The following TBC1D21 variants were observed in gnomAD, a reference collection of about 807,000 sequenced individuals.
The protein encoded by TBC1D21 is TBC1 domain family member 21.
A neutral mutation model predicts 46.0 loss-of-function variants in TBC1D21; 38 were observed. The observed-to-expected ratio is 0.83, with a 90% CI of 0.64 to 1.08. The LOEUF is 1.08. Among genes scored for constraint, TBC1D21 ranks in the 50% least tolerant of loss-of-function variants. TBC1D21 has a pLI of 0.00. For synonymous variants in TBC1D21, 151 were observed against 157.2 expected (o/e 0.96, Z 0.29); for missense variants, 415 against 417.9 (o/e 0.99, Z 0.06).
In TBC1D21 at chr15:73,881,516, C is replaced by T; in HGVS notation, c.168+10C>T. On this transcript the variant is annotated intron_variant, in intron 2 of 10. Coordinates refer to ENST00000300504, the MANE Select transcript of TBC1D21 (RefSeq NM_153356.3). ...TAACATCCTGGAAAGGGTGGGTCCC[C>T]AAGCTACCCTTGGCCTTGCCCTGGA... The T allele has an allele frequency of 1.9e-6, 3 of 1,612,514 alleles. No individual in the cohort carries two copies. The highest frequency in any genetic ancestry group is 2.5e-6 in the Non-Finnish European group (3 of 1,178,580).
the TBC1D21 span, among the ~76,000 whole-genome samples, chr15:73,901,047 AT>A: frequency 6.6e-6 from 1 of 152,188 alleles, no homozygotes; most frequent in African/African-American, 2.4e-5. Context: ...GAAGTCCAGG[AT>A]GTTAGAAAGT....
chr15:73,885,966 G>T, intron 6 of TBC1D21, 112 bp from the exon 7 acceptor site: 2 of 787,456 alleles, frequency 2.5e-6, no homozygotes, highest in Middle Eastern at 2.3e-4. Flanking sequence ...TGGGCCCAGC[G>T]CACAGACAGA....
intron 1 of TBC1D21, among the ~76,000 whole-genome samples, chr15:73,878,046 T>C (rs1490471919): frequency 6.6e-6 from 1 of 152,204 alleles, no homozygotes; most frequent in Non-Finnish European, 1.5e-5. Flanking sequence ...TATTCAACAT[T>C]GCACTTGAGT....
intron 7 of TBC1D21, 142 bp downstream of exon 7, chr15:73,886,316 G>A (rs1305173481): frequency 1.0e-5 from 9 of 889,216 alleles, no homozygotes; most frequent in Non-Finnish European, 1.4e-5. Context: ...TGGGAAGAGG[G>A]TTATCTGGAT....
At chr15:73,888,873 G>A (rs943967995) in intron 10 of TBC1D21, among the ~76,000 whole-genome samples, 196 bp from the exon 11 acceptor site, 4 of 152,276 alleles carry the variant, frequency 2.6e-5, no homozygotes, top group African/African-American at 7.2e-5. Flanking sequence ...TGGTCTTCTC[G>A]TTGTTTGCAC....
chr15:73,887,810 G>C (rs1413368206), intron 9 of TBC1D21, 74 bp downstream of exon 9: 1 of 1,327,396 alleles, frequency 7.5e-7, no homozygotes, highest in Non-Finnish European at 1.1e-6. Context: ...CCAGCTGAAA[G>C]ACCGGGGTTC....
rs535437036 is a variant in TBC1D21 at position 73,876,394 on chromosome 15, A to ATTT, written c.60+2628_60+2630dup. On this transcript the variant is annotated intron_variant, in intron 1 of 10. Transcript: ENST00000300504. ...AGGTGCCCACTACAACACCCGGGTA[A>ATTT]TTTTTGTTTTTTTTTTTTTGTATTT... Among the ~76,000 whole-genome samples, 17 of 73,130 alleles carry ATTT rather than the reference A, an allele frequency of 2.3e-4. No individual in the cohort carries two copies. The East Asian group carries it at 2.5e-3, about 11-fold the overall frequency. 48.0% of individuals were successfully genotyped at this position (73,130 alleles called of 152,430 possible).
rs771578840 is a variant in TBC1D21 at position 73,888,522 on chromosome 15, C to T, written c.978+9C>T. The T allele has an allele frequency of 5.6e-6, 9 of 1,612,098 alleles. No homozygotes were observed. The highest frequency in any genetic ancestry group is 5.0e-5 in the Admixed American group (3 of 59,980). On this transcript the variant is annotated intron_variant, in intron 10 of 10. Coordinates refer to ENST00000300504, the MANE Select transcript of TBC1D21 (RefSeq NM_153356.3). ...AGCTCATCCAGAAGGATGTAAGTTG[C>T]CCCAATGATGTGTCCTCCTCCTCCT...
chr15:73,876,259 G>C (rs1452493552), intron 1 of TBC1D21, among the ~76,000 whole-genome samples: 6 of 106,264 alleles, frequency 5.6e-5, no homozygotes, highest in African/African-American at 2.1e-4. Context: ...ACGGAGTCTT[G>C]CTCTGTCACC....
In TBC1D21 at chr15:73,877,492, T is replaced by C. The variant is rs1203248297; in HGVS notation, c.60+3723T>C. 1.0e-4 allele frequency among the ~76,000 whole-genome samples: 7 copies of C among 68,756 alleles called. No individual in the cohort carries two copies. In the Admixed American group the frequency reaches 1.1e-3, roughly 11 times the overall value. The allele number at this position is 68,756 out of a possible 152,430, so 45.1% of individuals were successfully genotyped here. ...TTTTAAAAAGAAATAATACCAATTC[T>C]ATACAAACACTTCCAGAAAACTAAA... On this transcript the variant is annotated intron_variant, in intron 1 of 10. Coordinates refer to ENST00000300504, the MANE Select transcript of TBC1D21 (RefSeq NM_153356.3).
Position 73,889,158 on chromosome 15 carries a change from G to T in TBC1D21, c.*57G>T. 1.3e-6 allele frequency: 2 copies of T among 1,579,928 alleles called. No homozygotes were observed. The highest frequency in any genetic ancestry group is 8.7e-7 in the Non-Finnish European group (1 of 1,154,080). On this transcript the variant is annotated 3_prime_UTR_variant, in exon 11 of 11. Coordinates refer to ENST00000300504, the MANE Select transcript of TBC1D21 (RefSeq NM_153356.3). ...TCGATGGGCAGGATGAAGGCCAGGG[G>T]CACTGGAGTGAGGGAGTAGATAAAA...
At chr15:73,881,821 A>C in intron 3 of TBC1D21, 74 bp downstream of exon 3, 2 of 1,327,172 alleles carry the variant, frequency 1.5e-6, no homozygotes, top group South Asian at 2.4e-5. Flanking sequence ...CAGCCTGCAG[A>C]CTATCTTCTG....
At chr15:73,904,622 G>C in the TBC1D21 span, among the ~76,000 whole-genome samples, 1 of 152,180 alleles carries the variant, frequency 6.6e-6, no homozygotes, top group African/African-American at 2.4e-5. Flanking sequence ...ATCAGCTTGG[G>C]GGAAGGGGTG....
the TBC1D21 span, among the ~76,000 whole-genome samples, chr15:73,901,815 T>G: frequency 2.6e-5 from 4 of 152,080 alleles, no homozygotes; most frequent in Non-Finnish European, 5.9e-5. Flanking sequence ...ATCCCTTTTT[T>G]TTTGTTTGTT....
At chr15:73,895,087 C>T in the TBC1D21 span, among the ~76,000 whole-genome samples, 1 of 152,190 alleles carries the variant, frequency 6.6e-6, no homozygotes, top group South Asian at 2.1e-4. Flanking sequence ...TCCCAGGGCC[C>T]ACCAATTAAA....
chr15:73,881,581 G>T (rs2068155751), intron 2 of TBC1D21, 63 bp from the exon 3 acceptor site: 1 of 1,602,078 alleles, frequency 6.2e-7, no homozygotes, highest in Admixed American at 1.7e-5. Flanking sequence ...TGTGGCGTTG[G>T]ATGAAGCCCT....
In TBC1D21 at chr15:73,884,196, C is replaced by G. The variant is rs746632573; in HGVS notation, c.318C>G (p.Pro106=). The G allele has an allele frequency of 1.7e-5, 28 of 1,614,074 alleles. No individual in the cohort carries two copies. Among genetic ancestry groups the G allele is most frequent in the East Asian group, 2.2e-5 (1 of 44,890 alleles). ...GCCAAATGTATGAGAAGATTCAGCCCCTTCTGGAAAACCTGCACCGGAACT... is the reference window on the plus strand; with the variant it reads ...GCCAAATGTATGAGAAGATTCAGCCGCTTCTGGAAAACCTGCACCGGAACT... The part of the protein sequence containing the change: ...ALCQMYEKIQ[P]LLENLHRNFT... The change falls in exon 4 of 11, where the codon CCC becomes CCG. Residue 106 remains proline, a synonymous_variant. Coordinates refer to ENST00000300504, the MANE Select transcript of TBC1D21 (RefSeq NM_153356.3).
intron 8 of TBC1D21, among the ~76,000 whole-genome samples, chr15:73,886,918 A>G (rs551054060): frequency 7.5e-4 from 114 of 152,252 alleles, no homozygotes; most frequent in African/African-American, 2.7e-3. Context: ...TGCCCTGCCC[A>G]GGTGGCCTCC....
intron 3 of TBC1D21, among the ~76,000 whole-genome samples, chr15:73,882,436 T>A (rs2068172534): frequency 1.3e-5 from 2 of 152,052 alleles, no homozygotes; most frequent in Non-Finnish European, 2.9e-5. Context: ...GTTCACCCTT[T>A]CTCCTCCCTC....
Sources: gnomAD v4.1 joint callset for allele counts (sites outside exome capture counted in the v4.1 genomes callset) on GRCh38, gnomAD v4.1.1 for gene constraint, MANE v1.5 for transcripts, NCBI Gene and HGNC (gene_info 2026-07-23, HGNC 2026-07-21) for gene names.